Variants in COL23A1 observed in about 807,000 individuals in gnomAD.
The protein encoded by COL23A1 is collagen alpha-1(XXIII) chain.
Under a neutral mutation model 99.3 loss-of-function variants are expected in COL23A1, and 97 were observed. The observed-to-expected ratio is 0.98, with a 90% CI of 0.83 to 1.16. The LOEUF (loss-of-function observed/expected upper bound fraction) is 1.16, where lower values mean the gene tolerates loss of function less well. COL23A1 is among the 50% of genes most tolerant of loss of function. The probability of loss-of-function intolerance (pLI) is 0.00; values close to 1 mark genes in which losing one functional copy is unlikely to be tolerated. For missense variants in COL23A1, 762 were observed against 757.4 expected, an observed-to-expected ratio of 1.01 and a Z score of -0.07; for synonymous variants, 320 against 308.2, an observed-to-expected ratio of 1.04 and a Z score of -0.40.
intron 4 of COL23A1, among the ~76,000 whole-genome samples, chr5:178,289,406 C>G (rs2973772): frequency 0.77 from 116,725 of 152,088 alleles, 45,747 homozygotes; most frequent in Non-Finnish European, 0.87. Context: ...TGCATTCAAA[C>G]CTGCCTCTGG....
chr5:178,586,101 CAA>C (rs1763991604), intron 1 of COL23A1, among the ~76,000 whole-genome samples: 1 of 152,202 alleles, frequency 6.6e-6, no homozygotes, highest in African/African-American at 2.4e-5. Flanking sequence ...GAGGAAAGGA[CAA>C]GAGAACGGCA....
chr5:178,581,249 C>G (rs1763644767), intron 1 of COL23A1, among the ~76,000 whole-genome samples: 1 of 152,174 alleles, frequency 6.6e-6, no homozygotes, highest in Non-Finnish European at 1.5e-5. Context: ...AGAAACCTGT[C>G]TGTCTCAAAC....
chr5:178,329,704 C>T (rs1374243290), intron 2 of COL23A1, among the ~76,000 whole-genome samples: 4 of 152,074 alleles, frequency 2.6e-5, no homozygotes, highest in South Asian at 2.1e-4. Context: ...ACCGGGAGGC[C>T]GAGGCAGGCG....
At chr5:178,427,034 TA>T (rs1354753864) in intron 2 of COL23A1, among the ~76,000 whole-genome samples, 1 of 152,108 alleles carries the variant, frequency 6.6e-6, no homozygotes, top group African/African-American at 2.4e-5. Context: ...CCGTCTCTAC[TA>T]AAAATACCAA....
At chr5:178,344,924 T>G (rs10516148) in intron 2 of COL23A1, 80,404 of 689,052 alleles carry the variant, frequency 0.12, 5,352 homozygotes, top group Middle Eastern at 0.18. Context: ...AGAATTTGGG[T>G]CTCGATCCAG....
At chr5:178,467,883 G>A (rs1450819116) in intron 2 of COL23A1, among the ~76,000 whole-genome samples, 3 of 152,194 alleles carry the variant, frequency 2.0e-5, no homozygotes, top group Non-Finnish European at 4.4e-5. Context: ...GCTGGAGTCC[G>A]AGGCCTGCCT....
intron 2 of COL23A1, among the ~76,000 whole-genome samples, chr5:178,487,337 G>T (rs916480526): frequency 5.4e-5 from 6 of 111,534 alleles, no homozygotes; most frequent in Non-Finnish European, 1.1e-4. Context: ...TATTTATTTA[G>T]AGAAGGAGTT....
rs1447012343 is a variant in COL23A1 at position 178,361,887 on chromosome 5, C to T, written c.362-54968G>A. On this transcript the variant is annotated intron_variant, in intron 2 of 28. Coordinates refer to ENST00000390654, the MANE Select transcript of COL23A1 (RefSeq NM_173465.4). ...GGGCAGGCTCCACATCCTGACATTC[C>T]CGCCTCCCCTCCAGGGATTTTCCAC... Among the ~76,000 whole-genome samples the T allele has an allele frequency of 7.2e-5, 11 of 152,180 alleles. 1 individual carries two copies. Among genetic ancestry groups the T allele is most frequent in the Non-Finnish European group, 1.5e-4 (10 of 68,030 alleles).
chr5:178,502,401 G>C (rs1037344478), intron 2 of COL23A1, among the ~76,000 whole-genome samples: 6 of 152,230 alleles, frequency 3.9e-5, no homozygotes, highest in Non-Finnish European at 8.8e-5. Flanking sequence ...AAAGTGCTGG[G>C]ATTACAGGCG....
Position 178,306,770 on chromosome 5 carries a change from G to A in COL23A1, c.406+105C>T. On this transcript the variant is annotated intron_variant, in intron 3 of 28. Transcript: ENST00000390654. This position sits in a 1 kb window ranked among gnomAD's most constrained non-coding sequence, Gnocchi z 4.1. ...GGAGGAGCACCTGCCCAGGACCAAG[G>A]CATGACTCAGGGTGGGCAGCAGGTG... is the stretch of plus-strand genomic sequence containing the variant. 3 of 817,940 alleles carry A rather than the reference G, an allele frequency of 3.7e-6. No individual in the cohort carries two copies. Among genetic ancestry groups the A allele is most frequent in the Middle Eastern group, 3.4e-4 (1 of 2,914 alleles). The allele number at this position is 817,940 out of a possible 1,614,324, so 50.7% of individuals were successfully genotyped here.
chr5:178,369,651 G>A (rs185575915), intron 2 of COL23A1, among the ~76,000 whole-genome samples: 2 of 152,256 alleles, frequency 1.3e-5, no homozygotes, highest in African/African-American at 4.8e-5. Context: ...GGTTTTATAA[G>A]GGGAGTTTCC....
intron 1 of COL23A1, among the ~76,000 whole-genome samples, chr5:178,566,728 A>G (rs938218149): frequency 2.0e-4 from 31 of 152,130 alleles, no homozygotes; most frequent in Admixed American, 1.6e-3. Context: ...AGGCAGGAGA[A>G]TCACTTGAAC....
At chr5:178,503,541 T>C (rs1232504422) in intron 2 of COL23A1, among the ~76,000 whole-genome samples, 3 of 152,192 alleles carry the variant, frequency 2.0e-5, no homozygotes, top group Non-Finnish European at 2.9e-5. Context: ...ATTCCTGTCA[T>C]CACCCTGAAG....
chr5:178,294,188 G>A (rs1460485448), intron 3 of COL23A1, among the ~76,000 whole-genome samples: 3 of 151,994 alleles, frequency 2.0e-5, no homozygotes, highest in African/African-American at 7.3e-5. Context: ...ACAATGGCCC[G>A]AACCCAGTGG....
intron 2 of COL23A1, among the ~76,000 whole-genome samples, chr5:178,457,774 C>G (rs1755876947): frequency 1.3e-5 from 2 of 152,200 alleles, no homozygotes; most frequent in Admixed American, 1.3e-4. Context: ...GAGTTAGGTG[C>G]TGCTGCTGAG....
At chr5:178,292,438 C>T (rs1265086556) in intron 3 of COL23A1, among the ~76,000 whole-genome samples, 1 of 152,204 alleles carries the variant, frequency 6.6e-6, no homozygotes, top group Admixed American at 6.5e-5. Context: ...CAAAGCCATC[C>T]CTTGATCACA....
At chr5:178,243,458 G>A (rs1383648895) in intron 25 of COL23A1, among the ~76,000 whole-genome samples, 5 of 96,926 alleles carry the variant, frequency 5.2e-5, no homozygotes, top group African/African-American at 1.7e-4. Context: ...CTGCACTCCA[G>A]CCTGGGTGGA....
chr5:178,311,809 C>T (rs1758707371), intron 2 of COL23A1, among the ~76,000 whole-genome samples: 1 of 151,482 alleles, frequency 6.6e-6, no homozygotes, highest in African/African-American at 2.4e-5. Flanking sequence ...CGGCTCACCG[C>T]AACCTCCGCC....
intron 2 of COL23A1, among the ~76,000 whole-genome samples, chr5:178,311,733 GTTTT>G (rs1266863616): frequency 2.3e-3 from 35 of 15,362 alleles, no homozygotes; most frequent in Admixed American, 0.016. Context: ...GTTTTGTTTT[GTTTT>G]GTTTTTTTTT....
Sources: allele counts gnomAD v4.1 joint callset (sites outside exome capture counted in the v4.1 genomes callset), GRCh38; gene constraint gnomAD v4.1.1; non-coding constraint Gnocchi (gnomAD v3.1); transcripts MANE v1.5; gene names NCBI Gene and HGNC (gene_info 2026-07-23, HGNC 2026-07-21).